The following GBF1 variants were observed in gnomAD, a reference collection of about 807,000 sequenced individuals.
GBF1 encodes the protein golgi brefeldin A resistant guanine nucleotide exchange factor 1.
A neutral mutation model predicts 210.5 loss-of-function variants in GBF1; 114 were observed. The observed-to-expected ratio is 0.54, with a 90% CI of 0.47 to 0.63. The LOEUF is 0.63. GBF1 is among the 30% of genes least tolerant of loss of function. The pLI is 0.00. For missense variants in GBF1, 1,851 were observed against 2,357.7 expected (o/e 0.79, Z 4.45); for synonymous variants, 850 against 889.2 (o/e 0.96, Z 0.78).
intron 3 of GBF1, among the ~76,000 whole-genome samples, chr10:102,270,896 T>C (rs986270618): frequency 2.0e-5 from 3 of 152,184 alleles, no homozygotes; most frequent in Non-Finnish European, 2.9e-5. Context: ...GGTCTCACTG[T>C]GTCACTTAGG....
intron 3 of GBF1, among the ~76,000 whole-genome samples, chr10:102,268,555 C>G (rs1343447058): frequency 1.3e-5 from 2 of 152,018 alleles, no homozygotes; most frequent in African/African-American, 4.8e-5. Flanking sequence ...ACCATGACAG[C>G]AGTCAGATGA....
At chr10:102,249,619 G>A (rs1010792440) in intron 1 of GBF1, among the ~76,000 whole-genome samples, 6 of 151,764 alleles carry the variant, frequency 4.0e-5, no homozygotes, top group African/African-American at 1.5e-4. Context: ...TCTCAATAAA[G>A]CACAGAACTA....
intron 3 of GBF1, among the ~76,000 whole-genome samples, chr10:102,304,962 C>A (rs1464168029): frequency 6.7e-6 from 1 of 149,674 alleles, no homozygotes; most frequent in African/African-American, 2.5e-5. Flanking sequence ...GCCTGGGCAA[C>A]ATAGCAAGAC....
chr10:102,274,767 A>C (rs1355421059), intron 3 of GBF1, among the ~76,000 whole-genome samples: 1 of 121,752 alleles, frequency 8.2e-6, no homozygotes, highest in African/African-American at 3.3e-5. Context: ...GCTGGAGTAC[A>C]GTGGCGTGAT....
At chr10:102,273,189 A>G (rs192388594) in intron 3 of GBF1, among the ~76,000 whole-genome samples, 206 of 152,182 alleles carry the variant, frequency 1.4e-3, no homozygotes, top group Non-Finnish European at 2.6e-3. Context: ...AAAAATACAA[A>G]ACTTAGCCAG....
At chr10:102,274,436 G>A (rs990261954) in intron 3 of GBF1, among the ~76,000 whole-genome samples, 6 of 151,688 alleles carry the variant, frequency 4.0e-5, no homozygotes, top group African/African-American at 1.5e-4. Context: ...TAGTTGATTA[G>A]TCTATTAAAA....
At chr10:102,287,419 C>T (rs1272545155) in intron 3 of GBF1, among the ~76,000 whole-genome samples, 1 of 124,948 alleles carries the variant, frequency 8.0e-6, no homozygotes, top group African/African-American at 3.2e-5. Context: ...AACTCCTGGG[C>T]TCAAGTGATC....
rs1377417194 is a variant in GBF1 at position 102,376,373 on chromosome 10, C to A, written c.3988C>A (p.Pro1330Thr). Residue 1330 changes from proline (P) to threonine (T), a missense_variant, in exon 31 of 40, where the codon CCG (proline) becomes ACG (threonine). Physicochemically the swap from Pro to Thr is conservative, Grantham distance 38. Coordinates refer to ENST00000369983, the MANE Select transcript of GBF1 (RefSeq NM_001377137.1). The part of the protein sequence containing the change: ...DSEVYTDHGR[P>T]GKIHRSATDA... ...AGAGGTCTACACTGACCATGGCAGG[C>A]CGGGCAAGATACACCGATCAGCCAC... 2 of 1,614,090 alleles carry A rather than the reference C, an allele frequency of 1.2e-6. No homozygotes were observed. The highest frequency in any genetic ancestry group is 2.2e-5 in the South Asian group (2 of 91,084).
chr10:102,377,118 T>G lies in GBF1; in HGVS notation c.4472T>G (p.Val1491Gly). Residue 1491 changes from valine (V) to glycine (G), a missense_variant, in exon 33 of 40, where the codon GTG (valine) becomes GGG (glycine). Physicochemically the swap from Val to Gly is moderately radical, Grantham distance 109. Around this residue, in one of 3 missense-constraint regions of GBF1, gnomAD observed 967 missense variants for 1,247.7 expected, o/e 0.78. Transcript: ENST00000369983. ...DEGVPASYHT[V>G]SLQVSQDLLD... ...GGCGTGCCTGCCAGCTACCATACGG[T>G]GTCTTTACAGGTCAGTCAGGACGTA... 2 of 1,613,820 alleles carry G rather than the reference T, an allele frequency of 1.2e-6. No individual in the cohort carries two copies. The highest frequency in any genetic ancestry group is 1.7e-6 in the Non-Finnish European group (2 of 1,179,840).
intron 3 of GBF1, among the ~76,000 whole-genome samples, chr10:102,321,055 C>G (rs184743461): frequency 8.3e-4 from 127 of 152,210 alleles, no homozygotes; most frequent in African/African-American, 3.0e-3. Context: ...CTTGGCCTCC[C>G]GAAGTGCTGG....
the GBF1 span, chr10:102,230,727 G>A: frequency 6.6e-7 from 1 of 1,518,094 alleles, no homozygotes; most frequent in African/African-American, 1.4e-5. Flanking sequence ...ACACGGCCCC[G>A]GAGGACACGG....
At chr10:102,308,141 T>C (rs1048969241) in intron 3 of GBF1, among the ~76,000 whole-genome samples, 50 of 145,944 alleles carry the variant, frequency 3.4e-4, no homozygotes, top group African/African-American at 1.1e-3. Context: ...CAGGTAATCA[T>C]ATATATGTTC....
intron 1 of GBF1, among the ~76,000 whole-genome samples, chr10:102,255,726 A>G (rs898753843): frequency 2.0e-5 from 3 of 152,222 alleles, no homozygotes; most frequent in Admixed American, 6.5e-5. Context: ...TCATTTTTGA[A>G]TATATCTTTC....
At chr10:102,271,208 T>G (rs1325566334) in intron 3 of GBF1, among the ~76,000 whole-genome samples, 1 of 152,022 alleles carries the variant, frequency 6.6e-6, no homozygotes, top group Non-Finnish European at 1.5e-5. Context: ...CGGCTAATTT[T>G]TTGTATTTTT....
intron 3 of GBF1, among the ~76,000 whole-genome samples, chr10:102,261,685 G>A (rs1400386653): frequency 2.1e-5 from 3 of 144,890 alleles, no homozygotes; most frequent in Non-Finnish European, 3.0e-5. Context: ...GTGTGATCTC[G>A]GCTCACTGCA....
At chr10:102,357,041 C>G (rs1243838304) in intron 8 of GBF1, among the ~76,000 whole-genome samples, 1 of 152,094 alleles carries the variant, frequency 6.6e-6, no homozygotes, top group African/African-American at 2.4e-5. Flanking sequence ...CAGGTAGTCT[C>G]ATTGATATAA....
At chr10:102,273,262 G>A (rs1175919220) in intron 3 of GBF1, among the ~76,000 whole-genome samples, 3 of 152,072 alleles carry the variant, frequency 2.0e-5, no homozygotes, top group Admixed American at 6.6e-5. Context: ...AACCCAGGAG[G>A]CAGAGGTTGC....
chr10:102,244,896 T>G (rs78221767), upstream of GBF1, among the ~76,000 whole-genome samples: 7,194 of 152,192 alleles, frequency 0.047, 205 homozygotes, highest in Non-Finnish European at 0.06. Flanking sequence ...CTACGTCCCA[T>G]TTTCTCTATT....
Position 102,366,207 on chromosome 10 carries a change from G to A in GBF1, c.2310-176G>A, listed in dbSNP as rs1803504202. On this transcript the variant is annotated intron_variant, in intron 18 of 39. Transcript: ENST00000369983. This position sits in a 1 kb window ranked among gnomAD's most constrained non-coding sequence, Gnocchi z 4.0. ...GGGTTCTAGGCAAGAGTCCGTGGATGTGAAAAGTATTAAGGCTAGGGGTTG... is the reference window on the plus strand; with the variant it reads ...GGGTTCTAGGCAAGAGTCCGTGGATATGAAAAGTATTAAGGCTAGGGGTTG... 6.6e-6 allele frequency among the ~76,000 whole-genome samples: 1 copy of A among 152,172 alleles called. No individual in the cohort carries two copies. Among genetic ancestry groups the A allele is most frequent in the Admixed American group, 6.5e-5 (1 of 15,274 alleles).
Sources: allele counts gnomAD v4.1 joint callset (sites outside exome capture counted in the v4.1 genomes callset), GRCh38; gene constraint gnomAD v4.1.1; regional missense constraint gnomAD v4.1.1; non-coding constraint Gnocchi (gnomAD v3.1); transcripts MANE v1.5; gene names NCBI Gene and HGNC (gene_info 2026-07-23, HGNC 2026-07-21).